Variants in INPP4B observed in about 807,000 individuals in gnomAD.
The protein encoded by INPP4B is inositol polyphosphate 4-phosphatase type II.
A neutral mutation model predicts 122.5 loss-of-function variants in INPP4B; 55 were observed. That is an observed-to-expected ratio of 0.45 (90% confidence interval 0.36 to 0.56). The LOEUF (loss-of-function observed/expected upper bound fraction) is 0.56. INPP4B is among the 20% of genes least tolerant of loss of function. The probability of loss-of-function intolerance (pLI) is 0.00; values close to 1 mark genes in which losing one functional copy is unlikely to be tolerated. For missense variants in INPP4B, 1,000 were observed against 1,097.7 expected, an observed-to-expected ratio of 0.91 and a Z score of 1.26; for synonymous variants, 403 against 388.7, an observed-to-expected ratio of 1.04 and a Z score of -0.43.
At chr4:142,284,643 G>A (rs902013859) in intron 9 of INPP4B, among the ~76,000 whole-genome samples, 1 of 152,054 alleles carries the variant, frequency 6.6e-6, no homozygotes, top group Non-Finnish European at 1.5e-5. Flanking sequence ...AGAGCTTTTA[G>A]GAATGTGGAG....
chr4:142,641,890 T>A (rs1022090658), intron 2 of INPP4B, among the ~76,000 whole-genome samples: 5 of 152,210 alleles, frequency 3.3e-5, no homozygotes, highest in African/African-American at 4.8e-5. Context: ...ACCAACAGTG[T>A]AAAAGTGTTC....
chr4:142,452,327 G>C (rs1419807208), intron 3 of INPP4B, among the ~76,000 whole-genome samples: 1 of 152,186 alleles, frequency 6.6e-6, no homozygotes, highest in African/African-American at 2.4e-5. Flanking sequence ...ATGTCCTGAA[G>C]GGAAGCACAT....
chr4:142,068,232 A>T (rs924183332), intron 25 of INPP4B, among the ~76,000 whole-genome samples: 2 of 152,202 alleles, frequency 1.3e-5, no homozygotes, highest in African/African-American at 2.4e-5. Context: ...AGCCAAACTA[A>T]GCTTCATAAG....
chr4:142,370,733 A>G (rs1789589327), intron 7 of INPP4B, among the ~76,000 whole-genome samples: 1 of 152,126 alleles, frequency 6.6e-6, no homozygotes, highest in African/African-American at 2.4e-5. Context: ...TAACCAAGGT[A>G]GTGAAAAGCC....
At chr4:142,465,359 G>T (rs1817577543) in intron 2 of INPP4B, among the ~76,000 whole-genome samples, 1 of 151,994 alleles carries the variant, frequency 6.6e-6, no homozygotes, top group Non-Finnish European at 1.5e-5. Context: ...ACATCCCACA[G>T]ACTTAATGCA....
At chr4:142,055,592 A>G (rs1269975579) in intron 25 of INPP4B, among the ~76,000 whole-genome samples, 1 of 152,154 alleles carries the variant, frequency 6.6e-6, no homozygotes, top group Non-Finnish European at 1.5e-5. Flanking sequence ...GCTATGTCAT[A>G]TCCTAGGGCA....
At chr4:142,260,675 G>C (rs1579502138) in intron 10 of INPP4B, 111 bp from the exon 11 acceptor site, 2 of 682,766 alleles carry the variant, frequency 2.9e-6, no homozygotes, top group East Asian at 2.8e-5. Flanking sequence ...AAAAAGTTTT[G>C]AATAAAATAC....
chr4:142,054,295 C>T (rs550430348), intron 25 of INPP4B, among the ~76,000 whole-genome samples: 1 of 151,570 alleles, frequency 6.6e-6, no homozygotes, highest in South Asian at 2.1e-4. Flanking sequence ...GTGACTTTAG[C>T]ATCTGGAAAC....
At chr4:142,155,870 G>A (rs988088842) in intron 17 of INPP4B, among the ~76,000 whole-genome samples, 1 of 151,054 alleles carries the variant, frequency 6.6e-6, no homozygotes, top group African/African-American at 2.4e-5. Flanking sequence ...CTATTAATAG[G>A]ATGTTTTACA....
At chr4:142,760,853 AT>A (rs1156249257) in intron 1 of INPP4B, among the ~76,000 whole-genome samples, 2 of 152,122 alleles carry the variant, frequency 1.3e-5, no homozygotes, top group Non-Finnish European at 2.9e-5. Context: ...CTTTGCCTAA[AT>A]TGTACTCATT....
intron 2 of INPP4B, among the ~76,000 whole-genome samples, chr4:142,508,460 A>AGAT (rs1411024772): frequency 1.3e-5 from 2 of 152,172 alleles, no homozygotes; most frequent in African/African-American, 2.4e-5. Flanking sequence ...TTTTTAGTAC[A>AGAT]GATGGGTTTT....
In INPP4B at chr4:142,152,319, C is replaced by A. The variant is rs191387362; in HGVS notation, c.1564-6323G>T. On this transcript the variant is annotated intron_variant, in intron 17 of 25. Transcript: ENST00000262992. ...CTCGATCTCCTGAGCTCATGATCCA[C>A]CCGCCTGGGCCTCCCAAAGTGCTGG... is the stretch of plus-strand genomic sequence containing the variant. Among the ~76,000 whole-genome samples the A allele has an allele frequency of 3.0e-3, 452 of 152,024 alleles. 4 individuals carry two copies. The highest frequency in any genetic ancestry group is 0.016 in the Admixed American group (251 of 15,288).
At chr4:142,209,232 A>T (rs1843826104) in intron 12 of INPP4B, among the ~76,000 whole-genome samples, 1 of 152,218 alleles carries the variant, frequency 6.6e-6, no homozygotes, top group African/African-American at 2.4e-5. Flanking sequence ...TAAAAACATT[A>T]TGTCAAAGGG....
At chr4:142,800,558 T>C (rs1461987706) in intron 1 of INPP4B, among the ~76,000 whole-genome samples, 7 of 152,204 alleles carry the variant, frequency 4.6e-5, no homozygotes, top group Non-Finnish European at 7.4e-5. Context: ...TCATGAGATT[T>C]ATATACAGAT....
chr4:142,346,423 A>C (rs1325853737), intron 7 of INPP4B, among the ~76,000 whole-genome samples: 2 of 152,082 alleles, frequency 1.3e-5, no homozygotes, highest in Non-Finnish European at 2.9e-5. Flanking sequence ...CAAATATGAA[A>C]TAACAAGAAA....
chr4:142,461,165 CTGAG>C (rs1311116196), intron 3 of INPP4B, among the ~76,000 whole-genome samples: 1 of 152,080 alleles, frequency 6.6e-6, no homozygotes, highest in African/African-American at 2.4e-5. Context: ...CAGTGAGACC[CTGAG>C]TGACAGAGTG....
intron 2 of INPP4B, among the ~76,000 whole-genome samples, chr4:142,524,020 G>A (rs1319193594): frequency 6.7e-6 from 1 of 149,906 alleles, no homozygotes; most frequent in Non-Finnish European, 1.5e-5. Context: ...GTATTCCATG[G>A]TGTATATGTG....
intron 1 of INPP4B, among the ~76,000 whole-genome samples, chr4:142,769,357 G>A (rs1028465307): frequency 3.9e-5 from 6 of 152,124 alleles, no homozygotes; most frequent in Non-Finnish European, 7.4e-5. Flanking sequence ...TGCTCTGCAA[G>A]GCACTTTGCA....
intron 1 of INPP4B, among the ~76,000 whole-genome samples, chr4:142,833,531 C>T (rs1324349531): frequency 6.6e-6 from 1 of 151,466 alleles, no homozygotes; most frequent in Admixed American, 6.6e-5. Flanking sequence ...ATATTTATGT[C>T]ATTTTTAGAC....
Sources: gnomAD v4.1 joint callset for allele counts (sites outside exome capture counted in the v4.1 genomes callset) on GRCh38, gnomAD v4.1.1 for gene constraint, MANE v1.5 for transcripts, NCBI Gene and HGNC (gene_info 2026-07-23, HGNC 2026-07-21) for gene names.